The following EYS variants were observed in gnomAD, a reference collection of about 807,000 sequenced individuals.
EYS encodes EGF-like photoreceptor maintenance factor.
A neutral mutation model predicts 282.1 loss-of-function variants in EYS; 250 were observed. The observed-to-expected ratio is 0.89, with a 90% CI of 0.80 to 0.98. The LOEUF (loss-of-function observed/expected upper bound fraction) is 0.98. Among genes scored for constraint, EYS ranks in the 50% least tolerant of loss-of-function variants. The probability of loss-of-function intolerance (pLI) is 0.00; values close to 1 mark genes in which losing one functional copy is unlikely to be tolerated. For missense variants in EYS, 4,016 were observed against 3,709.0 expected, an observed-to-expected ratio of 1.08 and a Z score of -2.15; for synonymous variants, 1,355 against 1,282.9, an observed-to-expected ratio of 1.06 and a Z score of -1.20.
In EYS at chr6:64,363,920, G is replaced by A. The variant is rs186272198; in HGVS notation, c.6078+24770C>T. ...GTCATACAACAAGATTTTCTAAGAT[G>A]TATATTTATACATTCTTTCCTCTCC... On this transcript the variant is annotated intron_variant, in intron 29 of 42. Coordinates refer to ENST00000503581, the MANE Select transcript of EYS (RefSeq NM_001142800.2). 2.6e-5 allele frequency among the ~76,000 whole-genome samples: 4 copies of A among 151,958 alleles called. No homozygotes were observed. The East Asian group carries it at 7.8e-4, about 30-fold the overall frequency.
chr6:65,275,207 C>A (rs1341018544), intron 12 of EYS, among the ~76,000 whole-genome samples: 2 of 152,144 alleles, frequency 1.3e-5, no homozygotes, highest in African/African-American at 2.4e-5. Flanking sequence ...CCCTTAGGAA[C>A]AAAATCTTGC....
intron 7 of EYS, among the ~76,000 whole-genome samples, chr6:65,386,439 T>C (rs1266911724): frequency 1.3e-5 from 2 of 151,792 alleles, no homozygotes; most frequent in African/African-American, 4.8e-5. Flanking sequence ...ACTTTCCTAC[T>C]GAGTTTCAGG....
At position 65,495,327 on chromosome 6, in the gene EYS, C is replaced by A; in HGVS notation, c.84G>T (p.Leu28Phe). ...AGGGTTGTGGATGCCATTCTTCCAC[C>A]AATTGCCGTCTACATGTTTTTCCAT... ...FINGKTCRRQ[L>F]VEEWHPQPSS... The change falls in exon 4 of 43, where the codon TTG (leucine) becomes TTT (phenylalanine). Residue 28 changes from leucine to phenylalanine, a missense_variant. By Grantham distance (22) the Leu-to-Phe change is conservative. Coordinates refer to ENST00000503581, the MANE Select transcript of EYS (RefSeq NM_001142800.2). The A allele has an allele frequency of 6.2e-7, 1 of 1,613,932 alleles. No individual in the cohort carries two copies. The highest frequency in any genetic ancestry group is 8.5e-7 in the Non-Finnish European group (1 of 1,179,968).
rs546365908 is a variant in EYS at position 64,169,201 on chromosome 6, C to T, written c.6424+61391G>A. Among the ~76,000 whole-genome samples, 17 of 152,122 alleles carry T rather than the reference C, an allele frequency of 1.1e-4. No homozygotes were observed. The South Asian group carries it at 2.5e-3, about 22-fold the overall frequency. ...TACTCAGTAAATATTGATAAATGAA[C>T]GAATGACATGATCCTCATCTAGTTG... On this transcript the variant is annotated intron_variant, in intron 31 of 42. Coordinates refer to ENST00000503581, the MANE Select transcript of EYS (RefSeq NM_001142800.2).
At chr6:64,646,584 A>T (rs1768359118) in intron 22 of EYS, among the ~76,000 whole-genome samples, 1 of 152,022 alleles carries the variant, frequency 6.6e-6, no homozygotes, top group Non-Finnish European at 1.5e-5. Context: ...CGGGCAGATC[A>T]AGAGGTCAGG....
chr6:64,326,553 T>G (rs960967259), intron 29 of EYS, among the ~76,000 whole-genome samples: 26 of 152,204 alleles, frequency 1.7e-4, no homozygotes, highest in African/African-American at 6.3e-4. Flanking sequence ...AGTTATCACC[T>G]TAATTTGATA....
At chr6:63,902,106 C>G (rs1449889616) in intron 35 of EYS, among the ~76,000 whole-genome samples, 1 of 152,032 alleles carries the variant, frequency 6.6e-6, no homozygotes, top group East Asian at 1.9e-4. Flanking sequence ...GTTGGCCAGG[C>G]TGGTCTTGAA....
intron 18 of EYS, among the ~76,000 whole-genome samples, chr6:64,887,199 A>G (rs887131215): frequency 5.5e-5 from 8 of 146,320 alleles, no homozygotes; most frequent in Non-Finnish European, 8.9e-5. Flanking sequence ...CAAACACCGC[A>G]TGTTCTCACT....
chr6:63,722,175 G>A (rs913836045), intron 42 of EYS, among the ~76,000 whole-genome samples: 2 of 151,986 alleles, frequency 1.3e-5, no homozygotes, highest in African/African-American at 4.8e-5. Context: ...CTCCTTTCCT[G>A]TCTCTCCAAC....
chr6:65,658,026 A>G (rs190725216), intron 1 of EYS, among the ~76,000 whole-genome samples: 1 of 151,924 alleles, frequency 6.6e-6, no homozygotes, highest in African/African-American at 2.4e-5. Flanking sequence ...TTAATTTAAG[A>G]TATGCACATT....
intron 2 of EYS, among the ~76,000 whole-genome samples, chr6:65,544,844 T>A (rs573711883): frequency 2.6e-5 from 4 of 152,278 alleles, no homozygotes; most frequent in Admixed American, 6.5e-5. Context: ...ATAACTAACA[T>A]GATTATTTTA....
intron 5 of EYS, among the ~76,000 whole-genome samples, chr6:65,405,633 T>C (rs1409614112): frequency 6.6e-6 from 1 of 152,118 alleles, no homozygotes; most frequent in Non-Finnish European, 1.5e-5. Flanking sequence ...AGCTCTTTTG[T>C]AGTCAATCTT....
At chr6:65,378,477 G>A (rs879065131) in intron 8 of EYS, among the ~76,000 whole-genome samples, 7 of 152,080 alleles carry the variant, frequency 4.6e-5, no homozygotes, top group East Asian at 3.9e-4. Context: ...ACAGTGTGGC[G>A]ATTCCTCAAG....
At chr6:65,332,522 AT>A in intron 11 of EYS, 2 of 942,474 alleles carry the variant, frequency 2.1e-6, no homozygotes, top group Non-Finnish European at 3.3e-6. Context: ...CAATTTTCTC[AT>A]TTTCATTGAT....
At chr6:64,831,128 C>T (rs1025078154) in intron 19 of EYS, among the ~76,000 whole-genome samples, 1 of 152,008 alleles carries the variant, frequency 6.6e-6, no homozygotes. Context: ...TGAAAGTAGT[C>T]ACTGATAACT....
At chr6:63,892,877 T>G (rs1562082883) in intron 35 of EYS, among the ~76,000 whole-genome samples, 1 of 152,056 alleles carries the variant, frequency 6.6e-6, no homozygotes, top group East Asian at 1.9e-4. Context: ...CTTAAACAAA[T>G]TTACAAGAAA....
chr6:64,021,155 G>GA (rs1335861529), intron 33 of EYS, among the ~76,000 whole-genome samples: 3 of 130,188 alleles, frequency 2.3e-5, no homozygotes, highest in Non-Finnish European at 5.1e-5. Context: ...TAGTTTTCAA[G>GA]GGAAAAAAAA....
At chr6:64,403,183 T>A (rs1164008881) in intron 28 of EYS, among the ~76,000 whole-genome samples, 1 of 152,098 alleles carries the variant, frequency 6.6e-6, no homozygotes, top group Non-Finnish European at 1.5e-5. Context: ...ATATAGACTT[T>A]ATAAAAAGAA....
At chr6:65,504,333 C>T (rs1442449335) in intron 2 of EYS, among the ~76,000 whole-genome samples, 2 of 151,542 alleles carry the variant, frequency 1.3e-5, no homozygotes, top group Non-Finnish European at 3.0e-5. Context: ...TTATTTAAGG[C>T]ATTTTTTAAT....
Sources: gnomAD v4.1 joint callset for allele counts (sites outside exome capture counted in the v4.1 genomes callset) on GRCh38, gnomAD v4.1.1 for gene constraint, MANE v1.5 for transcripts, NCBI Gene and HGNC (gene_info 2026-07-23, HGNC 2026-07-21) for gene names.